The following CLPB variants were observed in gnomAD, a reference collection of about 807,000 sequenced individuals.
CLPB encodes mitochondrial disaggregase.
Under a neutral mutation model 78.4 loss-of-function variants are expected in CLPB, and 40 were observed. The ratio of observed to expected loss-of-function variants is 0.51; its 90% CI spans 0.40 to 0.66. CLPB has a LOEUF of 0.66. CLPB is among the 30% of genes least tolerant of loss of function. The pLI is 0.00. For missense variants in CLPB, 780 were observed against 886.9 expected (o/e 0.88, Z 1.53); for synonymous variants, 333 against 348.0 (o/e 0.96, Z 0.48).
intron 4 of CLPB, among the ~76,000 whole-genome samples, chr11:72,369,893 G>A (rs777411007): frequency 9.2e-5 from 14 of 152,194 alleles, no homozygotes; most frequent in Non-Finnish European, 1.8e-4. Context: ...CTAGGGAGCA[G>A]TGCAGTAAAA....
At chr11:72,389,788 T>C (rs1307663543) in intron 3 of CLPB, among the ~76,000 whole-genome samples, 1 of 152,060 alleles carries the variant, frequency 6.6e-6, no homozygotes, top group Admixed American at 6.6e-5. Context: ...TAGCCAGGTG[T>C]GGTGGCACAT....
At chr11:72,393,587 A>G (rs911589901) in intron 3 of CLPB, among the ~76,000 whole-genome samples, 4 of 152,202 alleles carry the variant, frequency 2.6e-5, no homozygotes, top group Non-Finnish European at 4.4e-5. Context: ...CATAGTATAC[A>G]TAAGTAGACT....
chr11:72,364,513 T>A (rs868865943), intron 4 of CLPB, among the ~76,000 whole-genome samples: 35 of 151,266 alleles, frequency 2.3e-4, no homozygotes, highest in South Asian at 1.3e-3. Context: ...GGCCAAAAAA[T>A]TTTTTTTTAT....
At chr11:72,337,973 C>T (rs1406481154) in intron 5 of CLPB, among the ~76,000 whole-genome samples, 1 of 152,164 alleles carries the variant, frequency 6.6e-6, no homozygotes, top group African/African-American at 2.4e-5. Context: ...AGTCCCAACC[C>T]CCCAGTGGAC....
At chr11:72,353,591 T>C (rs1180421782) in intron 5 of CLPB, among the ~76,000 whole-genome samples, 2 of 152,160 alleles carry the variant, frequency 1.3e-5, no homozygotes, top group East Asian at 1.9e-4. Flanking sequence ...TACTAAATCA[T>C]GTGCAGAGCA....
At chr11:72,328,194 T>C (rs188080244) in intron 6 of CLPB, among the ~76,000 whole-genome samples, 1 of 152,342 alleles carries the variant, frequency 6.6e-6, no homozygotes, top group Admixed American at 6.5e-5. Context: ...CTTTTCCCTC[T>C]GGCAAGCAAC....
chr11:72,392,106 T>G (rs1565481229), intron 3 of CLPB, among the ~76,000 whole-genome samples: 1 of 151,842 alleles, frequency 6.6e-6, no homozygotes, highest in Non-Finnish European at 1.5e-5. Context: ...CAGCTGGAGT[T>G]GGTGAAGCAA....
intron 4 of CLPB, among the ~76,000 whole-genome samples, chr11:72,363,868 A>T (rs937116894): frequency 6.6e-6 from 1 of 152,198 alleles, no homozygotes; most frequent in Non-Finnish European, 1.5e-5. Context: ...AAGCTCAGGG[A>T]CTAAGCTAAC....
At chr11:72,330,213 C>T (rs972470862) in intron 5 of CLPB, among the ~76,000 whole-genome samples, 7 of 151,880 alleles carry the variant, frequency 4.6e-5, no homozygotes, top group African/African-American at 1.7e-4. Context: ...CAGAGAATAT[C>T]CCAAATAACA....
intron 6 of CLPB, among the ~76,000 whole-genome samples, chr11:72,328,072 T>C (rs1007368188): frequency 1.3e-5 from 2 of 152,228 alleles, no homozygotes; most frequent in African/African-American, 2.4e-5. Context: ...GCCCCCCTTA[T>C]GATTGGTTTG....
chr11:72,334,593 C>T (rs928675166), intron 5 of CLPB, among the ~76,000 whole-genome samples: 1 of 152,254 alleles, frequency 6.6e-6, no homozygotes, highest in African/African-American at 2.4e-5. Context: ...AATAAATAAC[C>T]ACGTTGGGCC....
chr11:72,333,952 C>G (rs183438593), intron 5 of CLPB, among the ~76,000 whole-genome samples: 1 of 151,542 alleles, frequency 6.6e-6, no homozygotes, highest in African/African-American at 2.4e-5. Flanking sequence ...TAGATATGAG[C>G]TGCAGTGGAA....
At chr11:72,424,706 G>A (rs1232472961) in intron 2 of CLPB, among the ~76,000 whole-genome samples, 1 of 152,146 alleles carries the variant, frequency 6.6e-6, no homozygotes. Flanking sequence ...CTAACATGGT[G>A]AAACCCTGTC....
intron 2 of CLPB, among the ~76,000 whole-genome samples, chr11:72,418,347 G>A (rs1856086456): frequency 1.3e-5 from 2 of 152,194 alleles, no homozygotes; most frequent in South Asian, 4.1e-4. Context: ...AGAAGCAACT[G>A]AAGAGAAAAG....
intron 4 of CLPB, among the ~76,000 whole-genome samples, chr11:72,378,619 C>T (rs566774245): frequency 6.6e-6 from 1 of 152,124 alleles, no homozygotes; most frequent in Non-Finnish European, 1.5e-5. Context: ...TACAGCCAAA[C>T]CATATCAGCA....
chr11:72,382,153 C>A (rs1287262101), intron 3 of CLPB, among the ~76,000 whole-genome samples: 1 of 151,808 alleles, frequency 6.6e-6, no homozygotes, highest in Non-Finnish European at 1.5e-5. Context: ...TTCAGTGAAC[C>A]CAAAGTCTAG....
chr11:72,336,449 T>C (rs1404767900), intron 5 of CLPB, among the ~76,000 whole-genome samples: 1 of 152,180 alleles, frequency 6.6e-6, no homozygotes, highest in Non-Finnish European at 1.5e-5. Context: ...AGCTGTGTGA[T>C]CCAGGGCACT....
chr11:72,347,328 T>A (rs1950534614), intron 5 of CLPB, among the ~76,000 whole-genome samples: 1 of 152,038 alleles, frequency 6.6e-6, no homozygotes, highest in Non-Finnish European at 1.5e-5. Flanking sequence ...CTAGGCAAGG[T>A]GGCTCATAAC....
chr11:72,331,056 A>C (rs191262065), intron 5 of CLPB, among the ~76,000 whole-genome samples: 1 of 152,074 alleles, frequency 6.6e-6, no homozygotes, highest in African/African-American at 2.4e-5. Flanking sequence ...CTACTTTAAA[A>C]ATTTTTTTAT....
Sources: allele counts gnomAD v4.1 joint callset (sites outside exome capture counted in the v4.1 genomes callset), GRCh38; gene constraint gnomAD v4.1.1; transcripts MANE v1.5; gene names NCBI Gene and HGNC (gene_info 2026-07-23, HGNC 2026-07-21).